Variants in TMEM278 observed in about 807,000 individuals in gnomAD.
The protein encoded by TMEM278 is transmembrane protein 88B.
At chr1:1,427,247 C>A in the TMEM278 span, among the ~76,000 whole-genome samples, 13 of 140,650 alleles carry the variant, frequency 9.2e-5, no homozygotes, top group East Asian at 2.4e-3. Flanking sequence ...CCCCGCTCCA[C>A]CCTGCTCCCG....
chr1:1,427,312 CCA>C, the TMEM278 span, among the ~76,000 whole-genome samples: 1 of 132,786 alleles, frequency 7.5e-6, no homozygotes. Flanking sequence ...CCTGACCCAC[CCA>C]CACCCTCTCC....
chr1:1,427,835 AC>A, the TMEM278 span: 2 of 1,341,226 alleles, frequency 1.5e-6, no homozygotes, highest in Non-Finnish European at 1.9e-6. Context: ...CTCGCGCGCG[AC>A]CCCATCGCGT....
chr1:1,429,533 G>T, the TMEM278 span, among the ~76,000 whole-genome samples: 2 of 151,998 alleles, frequency 1.3e-5, no homozygotes, highest in African/African-American at 4.8e-5. Flanking sequence ...AGTCTTTGGG[G>T]GTCTAAATCT....
At chr1:1,427,128 C>T in the TMEM278 span, among the ~76,000 whole-genome samples, 3 of 148,508 alleles carry the variant, frequency 2.0e-5, no homozygotes, top group Non-Finnish European at 4.5e-5. Flanking sequence ...TCTACCGCCC[C>T]GCCCCGCTCT....
chr1:1,427,805 AACCCCGGGAGGCCTCCGAGC>A, the TMEM278 span: 1 of 1,378,022 alleles, frequency 7.3e-7, no homozygotes, highest in Non-Finnish European at 9.4e-7. Context: ...GCCGCTGCGA[AACCCCGGGAGGCCTCCGAGC>A]TCGCGCGCGA....
the TMEM278 span, among the ~76,000 whole-genome samples, chr1:1,428,577 A>C: frequency 1.3e-5 from 2 of 152,086 alleles, no homozygotes; most frequent in African/African-American, 4.8e-5. Context: ...GAAATCCCTC[A>C]ACAATTGTGT....
chr1:1,427,733 CCGCCGCCCCCCGGGG>C, the TMEM278 span: 3 of 1,304,216 alleles, frequency 2.3e-6, no homozygotes, highest in Non-Finnish European at 2.9e-6. Flanking sequence ...CCCCCGGACC[CCGCCGCCCCCCGGGG>C]CGCCCCGACG....
the TMEM278 span, chr1:1,427,893 C>T: frequency 1.8e-6 from 2 of 1,115,250 alleles, no homozygotes; most frequent in Non-Finnish European, 2.3e-6. Context: ...CCCTTCCTGG[C>T]TGGGCGCGCA....
chr1:1,428,601 G>T, the TMEM278 span, among the ~76,000 whole-genome samples: 6 of 152,302 alleles, frequency 3.9e-5, no homozygotes, highest in East Asian at 1.2e-3. Flanking sequence ...GTTTCACCAC[G>T]AATTCCTTCT....
the TMEM278 span, chr1:1,426,038 G>C: frequency 4.2e-4 from 531 of 1,268,172 alleles, no homozygotes; most frequent in Non-Finnish European, 5.2e-4. Flanking sequence ...CTGCAACGTG[G>C]GGCGGGGTTA....
the TMEM278 span, among the ~76,000 whole-genome samples, chr1:1,426,536 C>T: frequency 6.6e-6 from 1 of 152,116 alleles, no homozygotes; most frequent in African/African-American, 2.4e-5. Context: ...CCCAAGCACC[C>T]CCACCAGCCA....
chr1:1,426,117 G>A, the TMEM278 span: 1 of 1,386,848 alleles, frequency 7.2e-7, no homozygotes, highest in Non-Finnish European at 9.4e-7. Context: ...CAGGCCTGCA[G>A]TGGCAGGAGC....
At chr1:1,427,524 C>T in the TMEM278 span, 7 of 878,940 alleles carry the variant, frequency 8.0e-6, no homozygotes, top group Non-Finnish European at 9.4e-6. Flanking sequence ...CCCCGCCCCG[C>T]CCCCCACTGA....
At chr1:1,429,576 G>A in the TMEM278 span, among the ~76,000 whole-genome samples, 3 of 152,130 alleles carry the variant, frequency 2.0e-5, no homozygotes, top group African/African-American at 7.2e-5. Flanking sequence ...CTCATCAGTA[G>A]CATGGTGTTT....
chr1:1,426,829 T>C, the TMEM278 span, among the ~76,000 whole-genome samples: 1 of 151,982 alleles, frequency 6.6e-6, no homozygotes, highest in Non-Finnish European at 1.5e-5. Flanking sequence ...CCGGGCCCCT[T>C]TCTGCTGGCA....
the TMEM278 span, chr1:1,426,204 G>C: frequency 2.1e-6 from 3 of 1,414,352 alleles, no homozygotes; most frequent in South Asian, 1.5e-5. Context: ...ATGCTGCCCC[G>C]GGGACCTCCC....
the TMEM278 span, chr1:1,427,825 C>G: frequency 3.7e-5 from 51 of 1,368,592 alleles, no homozygotes; most frequent in Non-Finnish European, 4.4e-5. Context: ...GGCCTCCGAG[C>G]TCGCGCGCGA....
At chr1:1,427,837 C>T in the TMEM278 span, 1 of 1,344,418 alleles carries the variant, frequency 7.4e-7, no homozygotes, top group East Asian at 3.5e-5. Flanking sequence ...CGCGCGCGAC[C>T]CCATCGCGTG....
the TMEM278 span, chr1:1,426,356 G>C: frequency 1.4e-6 from 2 of 1,436,222 alleles, no homozygotes; most frequent in Non-Finnish European, 1.8e-6. Flanking sequence ...GGCCGCCGTC[G>C]TCTACCTGGG....
Sources: gnomAD v4.1 joint callset for allele counts (sites outside exome capture counted in the v4.1 genomes callset) on GRCh38, gnomAD v4.1.1 for gene constraint, MANE v1.5 for transcripts, NCBI Gene and HGNC (gene_info 2026-07-23, HGNC 2026-07-21) for gene names.